CRBN: variants seen among roughly 807,000 people sequenced by gnomAD.
The protein encoded by CRBN is protein cereblon.
CRBN carries 53 observed loss-of-function variants against 62.2 expected under a neutral mutation model. The ratio of observed to expected loss-of-function variants is 0.85; its 90% CI spans 0.68 to 1.07. The LOEUF is 1.07. Among genes scored for constraint, CRBN ranks in the 50% least tolerant of loss-of-function variants. CRBN has a pLI of 0.00. For missense variants in CRBN, 616 were observed against 531.1 expected, an observed-to-expected ratio of 1.16 and a Z score of -1.57; for synonymous variants, 208 against 176.1, an observed-to-expected ratio of 1.18 and a Z score of -1.43.
chr3:3,168,828 C>G (rs1559253282), intron 4 of CRBN, among the ~76,000 whole-genome samples: 1 of 152,094 alleles, frequency 6.6e-6, no homozygotes. Flanking sequence ...CCTGCAAACT[C>G]ATTAGAAATA....
intron 5 of CRBN, among the ~76,000 whole-genome samples, chr3:3,164,217 G>C (rs1290738206): frequency 6.6e-6 from 1 of 152,190 alleles, no homozygotes; most frequent in Non-Finnish European, 1.5e-5. Context: ...GAGTAGTCAA[G>C]CATCTCTCAC....
intron 5 of CRBN, among the ~76,000 whole-genome samples, chr3:3,157,486 T>G (rs1669339): frequency 0.56 from 84,741 of 151,978 alleles, 25,301 homozygotes; most frequent in Middle Eastern, 0.74. Context: ...AGGTAACATT[T>G]AACAAAACAA....
Position 3,150,710 on chromosome 3 carries a change from A to G in CRBN, c.*155T>C. On this transcript the variant is annotated 3_prime_UTR_variant, in exon 11 of 11. Transcript: ENST00000231948. ...AAGTATACTTAAAAGTTTCAAATAC[A>G]GTTTCACTTAGAAACTGCAACCCTC... 2.8e-6 allele frequency: 2 copies of G among 718,484 alleles called. No homozygotes were observed. The highest frequency in any genetic ancestry group is 2.3e-6 in the Non-Finnish European group (1 of 444,022). The allele number at this position is 718,484 out of a possible 1,614,324, so 44.5% of individuals were successfully genotyped here. A position where few individuals can be genotyped will look rare whatever the true frequency, so the allele number is the denominator to read the frequency against.
At chr3:3,169,081 T>C (rs1707490618) in intron 4 of CRBN, among the ~76,000 whole-genome samples, 2 of 152,216 alleles carry the variant, frequency 1.3e-5, no homozygotes, top group African/African-American at 4.8e-5. Context: ...TTAAGAACTA[T>C]GCTTTACCCA....
chr3:3,171,724 A>T (rs1464621241), intron 4 of CRBN, among the ~76,000 whole-genome samples: 1 of 152,116 alleles, frequency 6.6e-6, no homozygotes, highest in Non-Finnish European at 1.5e-5. Flanking sequence ...CATGTGAACA[A>T]AACAGACAAA....
intron 10 of CRBN, among the ~76,000 whole-genome samples, chr3:3,151,499 T>TGGGCCAG (rs1443522370): frequency 2.3e-5 from 1 of 42,832 alleles, no homozygotes. Context: ...AAAGTAAATA[T>TGGGCCAG]TTATATTCTA....
rs768599757 is a variant in CRBN at position 3,152,583 on chromosome 3, A to ATAAAC, written c.1017-1_1020dup (p.Ser341ValfsTer12). ...TAAGCTGCCATCGGCCCACATAAGG[A>ATAAAC]TAAACTAAAACAAAGAATCAACATG... On this transcript the variant is annotated frameshift_variant, in exon 10 of 11. Transcript: ENST00000231948. LOFTEE classifies it high-confidence loss of function. 1 of 1,614,094 alleles carries ATAAAC rather than the reference A, an allele frequency of 6.2e-7. No individual in the cohort carries two copies. The highest frequency in any genetic ancestry group is 1.7e-5 in the Admixed American group (1 of 59,994).
At chr3:3,175,501 T>C (rs1213816787) in intron 1 of CRBN, among the ~76,000 whole-genome samples, 8 of 152,138 alleles carry the variant, frequency 5.3e-5, no homozygotes, top group African/African-American at 1.9e-4. Flanking sequence ...TACAGAGAAG[T>C]GTAAAGATAG....
intron 5 of CRBN, among the ~76,000 whole-genome samples, chr3:3,166,765 A>C (rs560331657): frequency 3.4e-4 from 52 of 152,276 alleles, no homozygotes; most frequent in African/African-American, 1.2e-3. Context: ...CAAGAACAAT[A>C]AAAATTCGGT....
Position 3,153,946 on chromosome 3 carries a change from T to C in CRBN, c.951+14A>G, listed in dbSNP as rs768167718. ...ATAAAACATGGGCATCAAAAACATATTCACTTTACTCACTTTATTCATAAT... is the reference window on the plus strand; with the variant it reads ...ATAAAACATGGGCATCAAAAACATACTCACTTTACTCACTTTATTCATAAT... On this transcript the variant is annotated intron_variant, in intron 8 of 10. Coordinates refer to ENST00000231948, the MANE Select transcript of CRBN (RefSeq NM_016302.4). The C allele has an allele frequency of 1.1e-5, 16 of 1,506,150 alleles. No individual in the cohort carries two copies. Among genetic ancestry groups the C allele is most frequent in the African/African-American group, 2.7e-5 (2 of 72,838 alleles). The allele number at this position is 1,506,150 out of a possible 1,614,324, so 93.3% of individuals were successfully genotyped here. A position where few individuals can be genotyped will look rare whatever the true frequency, so the allele number is the denominator to read the frequency against.
chr3:3,163,027 T>C (rs541077313), intron 5 of CRBN, among the ~76,000 whole-genome samples: 1 of 152,298 alleles, frequency 6.6e-6, no homozygotes, highest in African/African-American at 2.4e-5. Flanking sequence ...ACCAAAGATA[T>C]CTGCCATCCC....
rs150129900 is a variant in CRBN at position 3,158,242 on chromosome 3, G to A, written c.688-1961C>T. Among the ~76,000 whole-genome samples, 634 of 152,274 alleles carry A rather than the reference G, an allele frequency of 4.2e-3. 3 individuals carry two copies. The highest frequency in any genetic ancestry group is 6.6e-3 in the Non-Finnish European group (452 of 68,030). ...ATGCGCAGTTCACAATAGGGTTTGC[G>A]CTCCTATAAGAATCTATGCTGCCAC... On this transcript the variant is annotated intron_variant, in intron 5 of 10. Coordinates refer to ENST00000231948, the MANE Select transcript of CRBN (RefSeq NM_016302.4).
At chr3:3,156,577 A>C (rs572824255) in intron 5 of CRBN, 8 of 416,524 alleles carry the variant, frequency 1.9e-5, no homozygotes, top group South Asian at 1.3e-4. Flanking sequence ...TAAACACCAT[A>C]CTTCTATTAT....
intron 5 of CRBN, among the ~76,000 whole-genome samples, chr3:3,162,193 TC>T: frequency 6.6e-6 from 1 of 152,220 alleles, no homozygotes; most frequent in Non-Finnish European, 1.5e-5. Context: ...CATTTCATAC[TC>T]AACTCTTTTC....
Position 3,167,687 on chromosome 3 carries a change from G to A in CRBN, c.634C>T (p.Pro212Ser). 1.9e-6 allele frequency: 3 copies of A among 1,613,524 alleles called. No homozygotes were observed. The highest frequency in any genetic ancestry group is 2.5e-6 in the Non-Finnish European group (3 of 1,179,618). ...GAACATTGGTCTTCTCTTGAGACAGGTTTTGAAGGAAATATCTGGCACTTA... is the reference window on the plus strand; with the variant it reads ...GAACATTGGTCTTCTCTTGAGACAGATTTTGAAGGAAATATCTGGCACTTA... ...LNKCQIFPSK[P>S]VSREDQCSYK... is the part of the protein sequence containing the mutation. The change falls in exon 5 of 11, where the codon CCT (proline) becomes TCT (serine). Residue 212 changes from proline to serine, a missense_variant. Transcript: ENST00000231948.
intron 10 of CRBN, among the ~76,000 whole-genome samples, chr3:3,151,848 TAGA>T (rs1706579431): frequency 9.0e-6 from 1 of 111,414 alleles, no homozygotes; most frequent in African/African-American, 3.0e-5. Context: ...AAAGGCAAAC[TAGA>T]AGAAAAGCAG....
chr3:3,169,721 C>T (rs2126065610), intron 4 of CRBN, among the ~76,000 whole-genome samples: 1 of 152,226 alleles, frequency 6.6e-6, no homozygotes, highest in South Asian at 2.1e-4. Context: ...ATATGTGTAA[C>T]ATTTTGTGAT....
In CRBN at chr3:3,176,432, C is replaced by T. The variant is rs148199654; in HGVS notation, c.68-1163G>A. 8.5e-4 allele frequency among the ~76,000 whole-genome samples: 130 copies of T among 152,240 alleles called. 1 individual carries two copies. Among genetic ancestry groups the T allele is most frequent in the African/African-American group, 2.9e-3 (122 of 41,544 alleles). ...CTAGTGACAACATTTCCCTGGCAGT[C>T]GCTACATTATCTTAAAATGAAGGCC... On this transcript the variant is annotated intron_variant, in intron 1 of 10. Coordinates refer to ENST00000231948, the MANE Select transcript of CRBN (RefSeq NM_016302.4).
rs375808724 is a variant in CRBN at position 3,156,207 on chromosome 3, T to C, written c.750+12A>G. The stretch of plus-strand genomic sequence containing the variant: ...TACCATATATAAAGTAAATTTAAGG[T>C]AAGTTACTTACAGCATCATATAAGG... On this transcript the variant is annotated intron_variant, in intron 6 of 10. Transcript: ENST00000231948. 5.7e-4 allele frequency: 911 copies of C among 1,603,690 alleles called. No homozygotes were observed. Among genetic ancestry groups the C allele is most frequent in the Middle Eastern group, 8.4e-4 (5 of 5,964 alleles).
Sources: gnomAD v4.1 joint callset for allele counts (sites outside exome capture counted in the v4.1 genomes callset) on GRCh38, gnomAD v4.1.1 for gene constraint, MANE v1.5 for transcripts, NCBI Gene and HGNC (gene_info 2026-07-23, HGNC 2026-07-21) for gene names.